TSFM: variants seen among roughly 807,000 people sequenced by gnomAD.
The protein encoded by TSFM is Ts translation elongation factor, mitochondrial, also known as elongation factor Ts, mitochondrial.
A neutral mutation model predicts 33.4 loss-of-function variants in TSFM; 29 were observed. The ratio of observed to expected loss-of-function variants is 0.87; its 90% CI spans 0.65 to 1.18. The LOEUF is 1.18. Among genes scored for constraint, TSFM ranks in the 50% most tolerant of loss-of-function variants. The pLI, the probability that TSFM is intolerant of heterozygous loss-of-function variation, is 0.00. For missense variants in TSFM, 394 were observed against 395.6 expected (o/e 1.00, Z 0.04); for synonymous variants, 178 against 163.5 (o/e 1.09, Z -0.68).
chr12:57,797,898 T>C (rs1178534299), downstream of TSFM: 2 of 1,612,224 alleles, frequency 1.2e-6, no homozygotes, highest in Non-Finnish European at 8.5e-7. Context: ...AAGCCCCTTT[T>C]CTTTCTTCAT....
intron 4 of TSFM, chr12:57,792,030 C>T (rs2140423340): frequency 3.9e-6 from 1 of 258,832 alleles, no homozygotes; most frequent in South Asian, 3.2e-5. Context: ...CACTTGAGGT[C>T]AGGAGTTCAA....
At chr12:57,802,574 A>T (rs186621675), downstream of TSFM, 58 of 719,744 alleles carry the variant, frequency 8.1e-5, no homozygotes, top group Admixed American at 1.1e-3. Context: ...TCCAAATTGG[A>T]GCTGTCTCTG....
At chr12:57,785,500 C>CT (rs768484291) in intron 2 of TSFM, among the ~76,000 whole-genome samples, 1 of 152,172 alleles carries the variant, frequency 6.6e-6, no homozygotes, top group African/African-American at 2.4e-5. Context: ...CGGAGTCTCA[C>CT]TTTGTCACCC....
At chr12:57,797,763 C>CT (rs1955765203), downstream of TSFM, 2 of 840,986 alleles carry the variant, frequency 2.4e-6, no homozygotes, top group African/African-American at 3.5e-5. Context: ...TTTGCAGACT[C>CT]TATTATATCT....
chr12:57,801,382 G>A, downstream of TSFM: 1 of 533,922 alleles, frequency 1.9e-6, no homozygotes, highest in Admixed American at 3.4e-5. Flanking sequence ...GGCTTGAAAG[G>A]TGCTTAAACA....
chr12:57,799,801 T>G, downstream of TSFM: 1 of 1,614,016 alleles, frequency 6.2e-7, no homozygotes, highest in Middle Eastern at 1.6e-4. Flanking sequence ...TCACCTCCTT[T>G]TTGGCAGGGT....
chr12:57,792,559 TC>T (rs1955676366), intron 4 of TSFM, among the ~76,000 whole-genome samples: 1 of 152,188 alleles, frequency 6.6e-6, no homozygotes. Context: ...GAAAATATTG[TC>T]TACACTTAGT....
At chr12:57,785,729 A>G (rs1380393815) in intron 2 of TSFM, among the ~76,000 whole-genome samples, 2 of 152,236 alleles carry the variant, frequency 1.3e-5, no homozygotes, top group African/African-American at 4.8e-5. Context: ...ATACTTTAAT[A>G]GGACTGGCAG....
chr12:57,796,557 G>A lies in TSFM; in HGVS notation c.952G>A (p.Gly318Ser). The change falls in exon 6 of 6, where the codon GGT becomes AGT. Residue 318 changes from glycine to serine, a missense_variant. Gly to Ser is a moderately conservative substitution (Grantham distance 56). This residue lies in a region of TSFM where 186 missense variants were observed against 198.8 expected (regional missense o/e 0.94). Transcript: ENST00000652027. Reference protein sequence around the residue: ...VDFVRFECGEGEEAAETE With the variant: ...VDFVRFECGESEEAAETE ...CTTTGTGCGGTTTGAATGTGGAGAAGGTGAAGAGGCAGCAGAAACTGAATA... is the reference window on the plus strand; with the variant it reads ...CTTTGTGCGGTTTGAATGTGGAGAAAGTGAAGAGGCAGCAGAAACTGAATA... The A allele has an allele frequency of 6.9e-7, 1 of 1,439,332 alleles. No homozygotes were observed. Among genetic ancestry groups the A allele is most frequent in the South Asian group, 1.8e-5 (1 of 55,856 alleles). 89.2% of individuals were successfully genotyped at this position (1,439,332 alleles called of 1,614,324 possible). A position where few individuals can be genotyped will look rare whatever the true frequency, so the allele number is the denominator to read the frequency against.
chr12:57,783,004 C>A, intron 1 of TSFM, 106 bp from the exon 2 acceptor site: 1 of 1,485,158 alleles, frequency 6.7e-7, no homozygotes, highest in South Asian at 1.3e-5. Flanking sequence ...CGGTGCACCC[C>A]CCTTTGCACA....
At chr12:57,785,552 A>G (rs551412571) in intron 2 of TSFM, among the ~76,000 whole-genome samples, 3 of 152,142 alleles carry the variant, frequency 2.0e-5, no homozygotes, top group Admixed American at 1.3e-4. Flanking sequence ...GTTCACTGCA[A>G]CCTCCGCCTC....
At chr12:57,785,398 A>G (rs540507451) in intron 2 of TSFM, among the ~76,000 whole-genome samples, 5 of 152,274 alleles carry the variant, frequency 3.3e-5, no homozygotes, top group South Asian at 2.1e-4. Flanking sequence ...GTCATCTCCT[A>G]TGATAACAAT....
chr12:57,800,125 G>A, downstream of TSFM: 1 of 637,138 alleles, frequency 1.6e-6, no homozygotes, highest in Non-Finnish European at 2.5e-6. Context: ...TTGTTCTTGG[G>A]AAAGCTGATT....
rs910332537 is a variant in TSFM, at chr12:57,796,951, C to T, written c.*368C>T. 33 of 989,726 alleles carry T rather than the reference C, an allele frequency of 3.3e-5. No individual in the cohort carries two copies. The highest frequency in any genetic ancestry group is 3.8e-5 in the Non-Finnish European group (32 of 833,098). 61.3% of individuals were successfully genotyped at this position (989,726 alleles called of 1,614,324 possible). On this transcript the variant is annotated 3_prime_UTR_variant, in exon 6 of 6. Transcript: ENST00000652027. ...GTTTTTGCTTTGCGACACTGTGAACCGTGCTTCTGCCTCGGAACCTCCCTA... is the reference window on the plus strand; with the variant it reads ...GTTTTTGCTTTGCGACACTGTGAACTGTGCTTCTGCCTCGGAACCTCCCTA...
At chr12:57,799,205 GTGA>G (rs1955796898), downstream of TSFM, among the ~76,000 whole-genome samples, 1 of 152,200 alleles carries the variant, frequency 6.6e-6, no homozygotes, top group Non-Finnish European at 1.5e-5. Context: ...TGCTGGTGCT[GTGA>G]TGATTTGGGA....
downstream of TSFM, chr12:57,802,372 A>G (rs368156538): frequency 6.3e-7 from 1 of 1,588,142 alleles, no homozygotes; most frequent in Non-Finnish European, 8.6e-7. Context: ...GATTTAATAT[A>G]TGTTACTGTG....
rs188261377 is a variant in TSFM, at chr12:57,796,765, T to G, written c.*182T>G. The G allele has an allele frequency of 3.4e-5, 41 of 1,220,702 alleles. No homozygotes were observed. The East Asian group carries it at 1.2e-3, about 37-fold the overall frequency. 75.6% of individuals were successfully genotyped at this position (1,220,702 alleles called of 1,614,324 possible). Reference sequence around the variant, plus strand: ...ACTGGATTTAGCTTTTCTGTGCCTTTCAAAAACAACAGGTGGGCCTTATTG... The same window carrying G: ...ACTGGATTTAGCTTTTCTGTGCCTTGCAAAAACAACAGGTGGGCCTTATTG... On this transcript the variant is annotated 3_prime_UTR_variant, in exon 6 of 6. Coordinates refer to ENST00000652027, the MANE Select transcript of TSFM (RefSeq NM_005726.6).
chr12:57,801,269 C>T (rs115591059), downstream of TSFM: 1,561 of 1,432,072 alleles, frequency 1.1e-3, 22 homozygotes, highest in African/African-American at 0.019. Flanking sequence ...GGAGGGACAT[C>T]TTAGGTCTGG....
intron 5 of TSFM, among the ~76,000 whole-genome samples, chr12:57,794,422 A>G (rs1161587907): frequency 6.6e-6 from 1 of 152,224 alleles, no homozygotes; most frequent in Non-Finnish European, 1.5e-5. Context: ...GAAAGGGGAA[A>G]AATAAGTTAA....
Sources: gnomAD v4.1 joint callset for allele counts (sites outside exome capture counted in the v4.1 genomes callset) on GRCh38, gnomAD v4.1.1 for gene constraint, gnomAD v4.1.1 regional missense constraint, MANE v1.5 for transcripts, NCBI Gene and HGNC (gene_info 2026-07-23, HGNC 2026-07-21) for gene names.